MARCHF1: variants seen among roughly 807,000 people sequenced by gnomAD.
MARCHF1 encodes the protein membrane associated ring-CH-type finger 1.
A neutral mutation model predicts 54.2 loss-of-function variants in MARCHF1; 40 were observed. That is an observed-to-expected ratio of 0.74 (90% CI 0.57 to 0.96). The LOEUF (loss-of-function observed/expected upper bound fraction) is 0.96. Ranked by LOEUF, MARCHF1 falls within the 40% of genes least tolerant of loss-of-function variation. The pLI is 0.00. For missense variants in MARCHF1, 586 were observed against 656.5 expected, an observed-to-expected ratio of 0.89 and a Z score of 1.17; for synonymous variants, 236 against 236.3, an observed-to-expected ratio of 1.00 and a Z score of 0.01.
intron 2 of MARCHF1, among the ~76,000 whole-genome samples, chr4:164,018,724 C>G (rs1020740884): frequency 3.3e-5 from 5 of 152,030 alleles, no homozygotes; most frequent in Admixed American, 6.6e-5. Flanking sequence ...GACATAACTT[C>G]TTGATAAATT....
intron 3 of MARCHF1, among the ~76,000 whole-genome samples, chr4:163,943,518 T>C (rs1179368570): frequency 6.6e-6 from 1 of 152,116 alleles, no homozygotes; most frequent in Non-Finnish European, 1.5e-5. Context: ...ATTTCTGGGC[T>C]ATAGGGTTCC....
At chr4:164,070,029 C>T (rs1754829120) in intron 2 of MARCHF1, among the ~76,000 whole-genome samples, 2 of 152,132 alleles carry the variant, frequency 1.3e-5, no homozygotes, top group African/African-American at 4.8e-5. Flanking sequence ...AAACCAAATA[C>T]TGCATGTTCT....
At chr4:163,779,469 A>G (rs747352380) in intron 4 of MARCHF1, among the ~76,000 whole-genome samples, 13 of 148,650 alleles carry the variant, frequency 8.7e-5, no homozygotes, top group Non-Finnish European at 1.6e-4. Context: ...GAAATTTTGT[A>G]GAAAAAAAGT....
intron 4 of MARCHF1, among the ~76,000 whole-genome samples, chr4:163,762,797 G>A (rs78053882): frequency 0.062 from 9,483 of 151,990 alleles, 408 homozygotes; most frequent in Middle Eastern, 0.13. Flanking sequence ...TTCCCTGATG[G>A]TTATTATGAA....
chr4:163,769,395 A>G (rs1389543592), intron 4 of MARCHF1, among the ~76,000 whole-genome samples: 1 of 152,184 alleles, frequency 6.6e-6, no homozygotes, highest in Non-Finnish European at 1.5e-5. Context: ...AATGTTTTCC[A>G]TGGGTCTAGC....
intron 1 of MARCHF1, among the ~76,000 whole-genome samples, chr4:164,340,435 A>ATATATATATATATATATATATG (rs1729888427): frequency 7.3e-6 from 1 of 136,340 alleles, no homozygotes; most frequent in Non-Finnish European, 1.6e-5. Context: ...ATATATATAT[A>ATATATATATATATATATATATG]GTTTGTTTGT....
intron 2 of MARCHF1, among the ~76,000 whole-genome samples, chr4:164,013,935 C>T (rs1753481353): frequency 6.6e-6 from 1 of 152,074 alleles, no homozygotes; most frequent in African/African-American, 2.4e-5. Flanking sequence ...GAGGCCAAGG[C>T]AGGTGGATCA....
At chr4:163,665,961 C>T (rs987599029) in intron 5 of MARCHF1, among the ~76,000 whole-genome samples, 5 of 152,148 alleles carry the variant, frequency 3.3e-5, no homozygotes, top group African/African-American at 4.8e-5. Context: ...AACACTTCTA[C>T]GCCCCTTCAG....
intron 5 of MARCHF1, among the ~76,000 whole-genome samples, chr4:163,621,390 G>A (rs1422854330): frequency 6.6e-6 from 1 of 152,162 alleles, no homozygotes; most frequent in Non-Finnish European, 1.5e-5. Context: ...GCATCTGGAT[G>A]TCAGTATCCT....
At position 164,274,734 on chromosome 4, in the gene MARCHF1, C is replaced by T. The variant is rs1225255599; in HGVS notation, c.-323+109136G>A. Among the ~76,000 whole-genome samples, 11 of 125,826 alleles carry T rather than the reference C, an allele frequency of 8.7e-5. No homozygotes were observed. In the East Asian group the frequency reaches 2.0e-3, roughly 23 times the overall value. The allele number at this position is 125,826 out of a possible 152,430, so 82.5% of individuals were successfully genotyped here. ...CTCTGTCTCCCAGGCTGGAGTGCAG[C>T]GGTGCGATCTCAGCTCACTGCAAGC... On this transcript the variant is annotated intron_variant, in intron 1 of 9. Coordinates refer to ENST00000514618, the MANE Select transcript of MARCHF1 (RefSeq NM_001394959.1).
chr4:164,298,507 T>C (rs544993223), intron 1 of MARCHF1, among the ~76,000 whole-genome samples: 3 of 152,222 alleles, frequency 2.0e-5, no homozygotes, highest in Non-Finnish European at 4.4e-5. Context: ...TTCCCTTTTA[T>C]ATATTTTAAA....
At chr4:164,033,257 C>T (rs1430785233) in intron 2 of MARCHF1, among the ~76,000 whole-genome samples, 3 of 151,422 alleles carry the variant, frequency 2.0e-5, no homozygotes, top group Non-Finnish European at 4.4e-5. Context: ...TTCCCTATAC[C>T]TTATACAAAA....
At chr4:164,203,542 C>T (rs1731515281) in intron 1 of MARCHF1, among the ~76,000 whole-genome samples, 1 of 152,152 alleles carries the variant, frequency 6.6e-6, no homozygotes, top group Non-Finnish European at 1.5e-5. Flanking sequence ...AACCCACCTA[C>T]ATTAAGGAGG....
At chr4:164,212,200 T>C (rs1057430297) in intron 1 of MARCHF1, among the ~76,000 whole-genome samples, 1 of 152,158 alleles carries the variant, frequency 6.6e-6, no homozygotes, top group African/African-American at 2.4e-5. Context: ...TCAACATTCA[T>C]TAAATATTTG....
At chr4:163,907,667 G>A (rs1751098954) in intron 3 of MARCHF1, among the ~76,000 whole-genome samples, 2 of 152,052 alleles carry the variant, frequency 1.3e-5, no homozygotes, top group Non-Finnish European at 2.9e-5. Flanking sequence ...GAGCCAACTA[G>A]CTGGAATGAA....
chr4:164,188,562 C>T (rs1165446564), intron 1 of MARCHF1: 4 of 768,020 alleles, frequency 5.2e-6, no homozygotes, highest in Non-Finnish European at 7.2e-6. Flanking sequence ...AAACGCATCA[C>T]GCGGTCCTAT....
intron 1 of MARCHF1, among the ~76,000 whole-genome samples, chr4:164,191,603 C>T (rs1036045007): frequency 2.0e-5 from 3 of 152,046 alleles, no homozygotes; most frequent in African/African-American, 4.8e-5. Flanking sequence ...ACAATTATGG[C>T]GTTAATCAAG....
chr4:163,631,021 G>T (rs6845226), intron 5 of MARCHF1, among the ~76,000 whole-genome samples: 61,481 of 152,004 alleles, frequency 0.4, 13,084 homozygotes, highest in East Asian at 0.6. Context: ...TTTTGAAACA[G>T]TATGCACTAC....
At chr4:163,928,524 AAGAC>A (rs1751587167) in intron 3 of MARCHF1, among the ~76,000 whole-genome samples, 1 of 152,032 alleles carries the variant, frequency 6.6e-6, no homozygotes, top group Admixed American at 6.6e-5. Context: ...ATCTAGGACA[AAGAC>A]AGAATGTAAT....
Sources: allele counts gnomAD v4.1 joint callset (sites outside exome capture counted in the v4.1 genomes callset), GRCh38; gene constraint gnomAD v4.1.1; transcripts MANE v1.5; gene names NCBI Gene and HGNC (gene_info 2026-07-23, HGNC 2026-07-21).